Variants in WASF1 observed in about 807,000 individuals in gnomAD.
WASF1 encodes the protein actin-binding protein WASF1.
WASF1 carries 7 observed loss-of-function variants against 50.5 expected under a neutral mutation model. The ratio of observed to expected loss-of-function variants is 0.14; its 90% CI spans 0.08 to 0.26. The LOEUF (loss-of-function observed/expected upper bound fraction) is 0.26. Ranked by LOEUF, WASF1 falls within the 10% of genes least tolerant of loss-of-function variation. WASF1 has a pLI of 1.00. For missense variants in WASF1, 470 were observed against 694.7 expected (o/e 0.68, Z 3.64); for synonymous variants, 205 against 244.0 (o/e 0.84, Z 1.49).
chr6:110,167,632 T>G (rs1185651221), intron 2 of WASF1, among the ~76,000 whole-genome samples: 1 of 152,062 alleles, frequency 6.6e-6, no homozygotes, highest in Non-Finnish European at 1.5e-5. Context: ...TCATTCATAT[T>G]ATGTTTTCTT....
In WASF1 at chr6:110,102,145, G is replaced by T; in HGVS notation, c.965C>A (p.Pro322His). Reference sequence around the variant, plus strand: ...AGGTGGTGGAGGAGGTGGGGGAGTGGGGCTCACAAACACAGGTGTTCTGCC... The same window carrying T: ...AGGTGGTGGAGGAGGTGGGGGAGTGTGGCTCACAAACACAGGTGTTCTGCC... ...ATGRTPVFVSPTPPPPPPPLP... is the reference protein window; with the variant it reads ...ATGRTPVFVSHTPPPPPPPLP... The change falls in exon 10 of 11, where the codon CCC becomes CAC. Residue 322 changes from proline (P) to histidine (H), a missense_variant. By Grantham distance (77) the Pro-to-His change is moderately conservative. This residue lies in a region of WASF1 where 294 missense variants were observed against 343.5 expected (regional missense o/e 0.86). Transcript: ENST00000392589. 6.8e-7 allele frequency: 1 copy of T among 1,478,026 alleles called. No homozygotes were observed. Among genetic ancestry groups the T allele is most frequent in the Non-Finnish European group, 9.0e-7 (1 of 1,114,212 alleles). The allele number at this position is 1,478,026 out of a possible 1,614,324, so 91.6% of individuals were successfully genotyped here.
At chr6:110,132,463 G>A (rs2361500) in intron 3 of WASF1, among the ~76,000 whole-genome samples, 7,832 of 151,632 alleles carry the variant, frequency 0.052, 233 homozygotes, top group East Asian at 0.12. Context: ...TTCACAAGGC[G>A]TCTGTAATAC....
chr6:110,103,270 T>A (rs1352087211), intron 9 of WASF1, 108 bp downstream of exon 9: 1 of 1,215,774 alleles, frequency 8.2e-7, no homozygotes, highest in African/African-American at 1.5e-5. Context: ...TGAGTACTTG[T>A]GACAAAAACT....
chr6:110,137,788 G>A lies in WASF1; in HGVS notation c.-28-10159C>T, dbSNP rs150584456. Reference sequence around the variant, plus strand: ...AAGGAAATTAAAAAACATCTGTAAAGGAAAGAAAAGCCAGGTGGAAAAGAA... The same window carrying A: ...AAGGAAATTAAAAAACATCTGTAAAAGAAAGAAAAGCCAGGTGGAAAAGAA... On this transcript the variant is annotated intron_variant, in intron 3 of 10. Transcript: ENST00000392589. Among the ~76,000 whole-genome samples the A allele has an allele frequency of 7.1e-3, 1,088 of 152,266 alleles. 19 individuals are homozygous for A. Among genetic ancestry groups the A allele is most frequent in the African/African-American group, 0.025 (1,046 of 41,540 alleles).
At position 110,103,483 on chromosome 6, in the gene WASF1, A is replaced by G. The variant is rs1773183392; in HGVS notation, c.788T>C (p.Leu263Pro). ...TACCCTTTCCTCAGCTCTAGTCAGAAGCTCACTCATCTGACTAAATGGCAA... is the reference window on the plus strand; with the variant it reads ...TACCCTTTCCTCAGCTCTAGTCAGAGGCTCACTCATCTGACTAAATGGCAA... ...SALPFSQMSE[L>P]LTRAEERVLV... Residue 263 changes from leucine to proline, a missense_variant, in exon 9 of 11, where the codon CTT (leucine) becomes CCT (proline). By Grantham distance (98) the Leu-to-Pro change is moderately conservative. Coordinates refer to ENST00000392589, the MANE Select transcript of WASF1 (RefSeq NM_003931.3). 2 of 1,613,928 alleles carry G rather than the reference A, an allele frequency of 1.2e-6. No individual in the cohort carries two copies. Among genetic ancestry groups the G allele is most frequent in the Admixed American group, 1.7e-5 (1 of 59,996 alleles).
intron 5 of WASF1, among the ~76,000 whole-genome samples, chr6:110,109,799 A>G (rs1773480419): frequency 6.6e-6 from 1 of 151,440 alleles, no homozygotes; most frequent in Non-Finnish European, 1.5e-5. Context: ...TGACCTCATG[A>G]TCTGCCCGCC....
chr6:110,113,400 C>A lies in WASF1; in HGVS notation c.194G>T (p.Arg65Ile). Residue 65 changes from arginine to isoleucine, a missense_variant, in exon 5 of 11, where the codon AGA becomes ATA. Arg to Ile is a moderately conservative substitution (Grantham distance 97, BLOSUM62 -3). This residue lies in a region of WASF1 where 140 missense variants were observed against 260.5 expected (regional missense o/e 0.54). Transcript: ENST00000392589. ...LFNEAHSFSFRVNSLQERVDR... is the reference protein window; with the variant it reads ...LFNEAHSFSFIVNSLQERVDR... ...CACACGTTCTTGCAATGAGTTGACT[C>A]TGAAGGAAAAACTATGTGCTTCATT... is the stretch of plus-strand genomic sequence containing the variant. 6.2e-7 allele frequency: 1 copy of A among 1,604,532 alleles called. No individual in the cohort carries two copies. Among genetic ancestry groups the A allele is most frequent in the East Asian group, 2.3e-5 (1 of 44,224 alleles).
intron 4 of WASF1, among the ~76,000 whole-genome samples, chr6:110,123,770 C>G (rs1162179823): frequency 2.0e-5 from 3 of 152,066 alleles, no homozygotes; most frequent in Non-Finnish European, 4.4e-5. Context: ...AGGGAAGCAT[C>G]CCAAATGGAA....
chr6:110,110,783 G>T (rs1773518494), intron 5 of WASF1, among the ~76,000 whole-genome samples: 1 of 151,604 alleles, frequency 6.6e-6, no homozygotes, highest in Non-Finnish European at 1.5e-5. Flanking sequence ...TAAAAAAACT[G>T]ATACCACACT....
At chr6:110,140,163 G>A (rs770691467) in intron 3 of WASF1, among the ~76,000 whole-genome samples, 4 of 152,140 alleles carry the variant, frequency 2.6e-5, no homozygotes, top group Non-Finnish European at 5.9e-5. Flanking sequence ...GACACCAATA[G>A]CCAAAGGTTT....
intron 2 of WASF1, among the ~76,000 whole-genome samples, chr6:110,168,200 A>C (rs558810497): frequency 9.2e-5 from 14 of 152,206 alleles, no homozygotes; most frequent in African/African-American, 3.4e-4. Flanking sequence ...ATTGTTGAGG[A>C]ACTCATAAAT....
At chr6:110,148,764 T>C (rs778126518) in intron 3 of WASF1, among the ~76,000 whole-genome samples, 63 of 152,258 alleles carry the variant, frequency 4.1e-4, no homozygotes, top group Non-Finnish European at 7.8e-4. Flanking sequence ...GCAGAATAAA[T>C]GCAGGTAGAC....
At chr6:110,150,050 G>A (rs999327704) in intron 3 of WASF1, among the ~76,000 whole-genome samples, 3 of 151,994 alleles carry the variant, frequency 2.0e-5, no homozygotes, top group Admixed American at 6.6e-5. Flanking sequence ...TTGTATTCTC[G>A]ACAAATTGGC....
At position 110,155,539 on chromosome 6, in the gene WASF1, T is replaced by G. The variant is rs1365128807; in HGVS notation, c.-29+5096A>C. Among the ~76,000 whole-genome samples, 165 of 95,020 alleles carry G rather than the reference T, an allele frequency of 1.7e-3. 1 individual carries two copies. Among genetic ancestry groups the G allele is most frequent in the Middle Eastern group, 8.1e-3 (2 of 246 alleles). The allele number at this position is 95,020 out of a possible 152,430, so 62.3% of individuals were successfully genotyped here. On this transcript the variant is annotated intron_variant, in intron 3 of 10. Coordinates refer to ENST00000392589, the MANE Select transcript of WASF1 (RefSeq NM_003931.3). Reference sequence around the variant, plus strand: ...TACATTATTTCTAAAGTGCCTTCTTTTTTTTTTTTTTTTTTTTTTTTTTTT... The same window carrying G: ...TACATTATTTCTAAAGTGCCTTCTTGTTTTTTTTTTTTTTTTTTTTTTTTT...
At chr6:110,167,094 A>G (rs1233768083) in intron 2 of WASF1, among the ~76,000 whole-genome samples, 1 of 151,850 alleles carries the variant, frequency 6.6e-6, no homozygotes, top group Admixed American at 6.6e-5. Context: ...AGTGTTAGCC[A>G]TCATACACAA....
At chr6:110,137,189 T>C (rs1450145995) in intron 3 of WASF1, among the ~76,000 whole-genome samples, 1 of 152,206 alleles carries the variant, frequency 6.6e-6, no homozygotes, top group Non-Finnish European at 1.5e-5. Context: ...CTAGAAATTT[T>C]TACTTGGAGG....
rs1291879321 is a variant in WASF1 at position 110,172,061 on chromosome 6, A to G, written c.-127+6537T>C. Among the ~76,000 whole-genome samples, 3 of 152,358 alleles carry G rather than the reference A, an allele frequency of 2.0e-5. 1 individual carries two copies. Among genetic ancestry groups the G allele is most frequent in the South Asian group, 4.1e-4 (2 of 4,830 alleles). On this transcript the variant is annotated intron_variant, in intron 2 of 10. Coordinates refer to ENST00000392589, the MANE Select transcript of WASF1 (RefSeq NM_003931.3). The stretch of plus-strand genomic sequence containing the variant: ...GATGCTGGAGAGAATGTGGAGAAAT[A>G]GGAACGCTTTTACACTGTTGGTGGG...
intron 4 of WASF1, among the ~76,000 whole-genome samples, chr6:110,126,097 TTAA>T (rs1774403763): frequency 6.6e-6 from 1 of 152,168 alleles, no homozygotes; most frequent in African/African-American, 2.4e-5. Flanking sequence ...AACATGTATT[TTAA>T]TATTAGCATG....
At chr6:110,147,283 T>C (rs1415053485) in intron 3 of WASF1, among the ~76,000 whole-genome samples, 1 of 151,262 alleles carries the variant, frequency 6.6e-6, no homozygotes, top group Non-Finnish European at 1.5e-5. Context: ...GAGGCGGAGC[T>C]TGCAGTGAGC....
Sources: allele counts gnomAD v4.1 joint callset (sites outside exome capture counted in the v4.1 genomes callset), GRCh38; gene constraint gnomAD v4.1.1; regional missense constraint gnomAD v4.1.1; transcripts MANE v1.5; gene names NCBI Gene and HGNC (gene_info 2026-07-23, HGNC 2026-07-21).